The following PIEZO2 variants were observed in gnomAD, a reference collection of about 807,000 sequenced individuals.
PIEZO2 encodes the protein piezo type mechanosensitive ion channel component 2, also known as piezo-type mechanosensitive ion channel component 2.
A neutral mutation model predicts 337.3 loss-of-function variants in PIEZO2; 172 were observed. The observed-to-expected ratio is 0.51, with a 90% CI of 0.45 to 0.58. The LOEUF (loss-of-function observed/expected upper bound fraction) is 0.58. Among genes scored for constraint, PIEZO2 ranks in the 20% least tolerant of loss-of-function variants. The probability of loss-of-function intolerance (pLI) is 0.00; values close to 1 mark genes in which losing one functional copy is unlikely to be tolerated. For synonymous variants in PIEZO2, 1,251 were observed against 1,228.5 expected, an observed-to-expected ratio of 1.02 and a Z score of -0.38; for missense variants, 3,028 against 3,391.3, an observed-to-expected ratio of 0.89 and a Z score of 2.66.
chr18:10,710,336 C>T (rs1012850129), intron 39 of PIEZO2, among the ~76,000 whole-genome samples: 1 of 152,078 alleles, frequency 6.6e-6, no homozygotes, highest in Non-Finnish European at 1.5e-5. Context: ...AAAAATAGGC[C>T]CCGACAGTAG....
At chr18:10,852,454 T>C (rs76693125) in intron 7 of PIEZO2, among the ~76,000 whole-genome samples, 3,101 of 152,274 alleles carry the variant, frequency 0.02, 112 homozygotes, top group African/African-American at 0.07. Flanking sequence ...TAGCTCTCTA[T>C]AGCATGTGCC....
Position 11,111,923 on chromosome 18 carries a change from A to T in PIEZO2, c.64+36602T>A, listed in dbSNP as rs906780407. On this transcript the variant is annotated intron_variant, in intron 1 of 55. Coordinates refer to ENST00000674853, the MANE Select transcript of PIEZO2 (RefSeq NM_001378183.1). The surrounding 1 kb of genome is among the most constrained non-coding windows in gnomAD (Gnocchi z 6.2). ...CTTTTAAGATAAAACACAAGATCTCAAAGAAACGATCTTCTGCAGGCCACT... is the reference window on the plus strand; with the variant it reads ...CTTTTAAGATAAAACACAAGATCTCTAAGAAACGATCTTCTGCAGGCCACT... Among the ~76,000 whole-genome samples, 2 of 152,240 alleles carry T rather than the reference A, an allele frequency of 1.3e-5. No individual in the cohort carries two copies. Among genetic ancestry groups the T allele is most frequent in the African/African-American group, 2.4e-5 (1 of 41,464 alleles).
At chr18:10,695,504 G>A (rs2035041138) in intron 47 of PIEZO2, among the ~76,000 whole-genome samples, 1 of 152,164 alleles carries the variant, frequency 6.6e-6, no homozygotes, top group African/African-American at 2.4e-5. Context: ...GAGTCCAGCA[G>A]GATGGGTCTG....
At chr18:10,865,204 G>A (rs941049555) in intron 5 of PIEZO2, among the ~76,000 whole-genome samples, 6 of 152,204 alleles carry the variant, frequency 3.9e-5, no homozygotes, top group East Asian at 3.8e-4. Context: ...GCAGAGTCAT[G>A]AGCATCAAGG....
chr18:11,000,254 C>A (rs775609944), intron 2 of PIEZO2, among the ~76,000 whole-genome samples: 23 of 152,192 alleles, frequency 1.5e-4, no homozygotes, highest in Non-Finnish European at 1.9e-4. Flanking sequence ...CCCCACTGTG[C>A]CCCACCTCTA....
At chr18:11,025,291 A>G (rs1185677672) in intron 2 of PIEZO2, among the ~76,000 whole-genome samples, 2 of 148,512 alleles carry the variant, frequency 1.3e-5, no homozygotes, top group South Asian at 2.1e-4. Flanking sequence ...AGTCATTCAT[A>G]TATGTTTCTT....
chr18:10,971,881 C>T (rs1330268332), intron 3 of PIEZO2, among the ~76,000 whole-genome samples: 1 of 152,100 alleles, frequency 6.6e-6, no homozygotes, highest in Non-Finnish European at 1.5e-5. Flanking sequence ...TTAATTCTGG[C>T]TCTGTTACTC....
intron 1 of PIEZO2, among the ~76,000 whole-genome samples, chr18:11,139,333 A>G (rs2040576649): frequency 6.6e-6 from 1 of 152,238 alleles, no homozygotes; most frequent in Admixed American, 6.5e-5. Flanking sequence ...CTTGAACATC[A>G]GAAACCATAT....
rs562057402 is a variant in PIEZO2 at position 10,979,058 on chromosome 18, C to T, written c.286+477G>A. Reference sequence around the variant, plus strand: ...ACCTTCCAATTCAGAAAAGAAACTACATGTGTCATTACATTTTTCCCATAA... The same window carrying T: ...ACCTTCCAATTCAGAAAAGAAACTATATGTGTCATTACATTTTTCCCATAA... On this transcript the variant is annotated intron_variant, in intron 3 of 55. Coordinates refer to ENST00000674853, the MANE Select transcript of PIEZO2 (RefSeq NM_001378183.1). The surrounding 1 kb of genome is among the most constrained non-coding windows in gnomAD (Gnocchi z 4.0). Among the ~76,000 whole-genome samples, 14 of 152,188 alleles carry T rather than the reference C, an allele frequency of 9.2e-5. No homozygotes were observed. Among genetic ancestry groups the T allele is most frequent in the Admixed American group, 6.5e-5 (1 of 15,296 alleles).
intron 3 of PIEZO2, among the ~76,000 whole-genome samples, chr18:10,913,011 T>C (rs1169494056): frequency 1.2e-4 from 18 of 151,010 alleles, no homozygotes; most frequent in South Asian, 1.0e-3. Context: ...AGGAATTTCT[T>C]TTGGCCCCTG....
At chr18:11,026,099 C>T (rs1490682447) in intron 2 of PIEZO2, among the ~76,000 whole-genome samples, 1 of 152,158 alleles carries the variant, frequency 6.6e-6, no homozygotes, top group Non-Finnish European at 1.5e-5. Flanking sequence ...TGCCGGTTTG[C>T]CAGGGCAGGC....
At position 11,072,398 on chromosome 18, in the gene PIEZO2, T is replaced by G. The variant is rs543022725; in HGVS notation, c.65-6176A>C. ...AATAAATAGAACATTTCTCTTTTTT[T>G]TAGCCTAGGTGAGATTTTTTAATGT... On this transcript the variant is annotated intron_variant, in intron 1 of 55. Coordinates refer to ENST00000674853, the MANE Select transcript of PIEZO2 (RefSeq NM_001378183.1). Among the ~76,000 whole-genome samples the G allele has an allele frequency of 3.3e-5, 5 of 152,320 alleles. No homozygotes were observed. In the East Asian group the frequency reaches 9.6e-4, roughly 29 times the overall value.
intron 2 of PIEZO2, among the ~76,000 whole-genome samples, chr18:11,062,710 A>T (rs2038011833): frequency 6.6e-6 from 1 of 152,226 alleles, no homozygotes; most frequent in African/African-American, 2.4e-5. Context: ...CCACAATGAG[A>T]TACCATCTTA....
rs2145323787 is a variant in PIEZO2 at position 10,952,861 on chromosome 18, C to T, written c.286+26674G>A. 8.0e-6 allele frequency among the ~76,000 whole-genome samples: 1 copy of T among 125,394 alleles called. No individual in the cohort carries two copies. The highest frequency in any genetic ancestry group is 2.1e-4 in the East Asian group (1 of 4,728). The allele number at this position is 125,394 out of a possible 152,430, so 82.3% of individuals were successfully genotyped here. A position where few individuals can be genotyped will look rare whatever the true frequency, so the allele number is the denominator to read the frequency against. On this transcript the variant is annotated intron_variant, in intron 3 of 55. Transcript: ENST00000674853. This position sits in a 1 kb window ranked among gnomAD's most constrained non-coding sequence, Gnocchi z 4.1. ...CCATATTTCCTCAGCATTTGGAATG[C>T]CTTCCCTTCCTTCCTTCCTTCCTTT...
chr18:10,768,092 C>G (rs938041805), intron 21 of PIEZO2, among the ~76,000 whole-genome samples: 1 of 152,090 alleles, frequency 6.6e-6, no homozygotes, highest in African/African-American at 2.4e-5. Context: ...GACTAAAGAG[C>G]CTCTGCGAGG....
rs1040644862 is a variant in PIEZO2, at chr18:10,859,034, A to G, written c.493-1823T>C. On this transcript the variant is annotated intron_variant, in intron 5 of 55. Transcript: ENST00000674853. This position sits in a 1 kb window ranked among gnomAD's most constrained non-coding sequence, Gnocchi z 4.9. ...AACAAGTAAAATATTAACCAGCTAA[A>G]TATCTCACAGTAATGAATGCCCCCT... Among the ~76,000 whole-genome samples, 1 of 152,206 alleles carries G rather than the reference A, an allele frequency of 6.6e-6. No homozygotes were observed. Among genetic ancestry groups the G allele is most frequent in the African/African-American group, 2.4e-5 (1 of 41,448 alleles).
chr18:10,760,681 A>G (rs1368447687), intron 24 of PIEZO2, among the ~76,000 whole-genome samples: 1 of 152,220 alleles, frequency 6.6e-6, no homozygotes, highest in African/African-American at 2.4e-5. Flanking sequence ...ATGGCTCTGG[A>G]GATCCAGAGA....
chr18:10,938,019 A>G (rs2032503299), intron 3 of PIEZO2, among the ~76,000 whole-genome samples: 1 of 152,238 alleles, frequency 6.6e-6, no homozygotes. Flanking sequence ...AATCATCTAC[A>G]TAGAAGGCAC....
Position 10,973,301 on chromosome 18 carries a change from G to C in PIEZO2, c.286+6234C>G, listed in dbSNP as rs1054248130. On this transcript the variant is annotated intron_variant, in intron 3 of 55. Coordinates refer to ENST00000674853, the MANE Select transcript of PIEZO2 (RefSeq NM_001378183.1). The surrounding 1 kb of genome is among the most constrained non-coding windows in gnomAD (Gnocchi z 4.9). ...AATGTGTATTCATTACTCCAAGAGC[G>C]TTGACTCCATCAGATATTGGGCTAC... Among the ~76,000 whole-genome samples, 1 of 152,168 alleles carries C rather than the reference G, an allele frequency of 6.6e-6. No homozygotes were observed. The highest frequency in any genetic ancestry group is 1.9e-4 in the East Asian group (1 of 5,184).
Sources: allele counts gnomAD v4.1 joint callset (sites outside exome capture counted in the v4.1 genomes callset), GRCh38; gene constraint gnomAD v4.1.1; non-coding constraint Gnocchi (gnomAD v3.1); transcripts MANE v1.5; gene names NCBI Gene and HGNC (gene_info 2026-07-23, HGNC 2026-07-21).